The following RSU1 variants were observed in gnomAD, a reference collection of about 807,000 sequenced individuals.
RSU1 encodes Ras suppressor protein 1.
RSU1 carries 26 observed loss-of-function variants against 31.1 expected under a neutral mutation model. The ratio of observed to expected loss-of-function variants is 0.84; its 90% CI spans 0.61 to 1.16. RSU1 has a LOEUF of 1.16. Among genes scored for constraint, RSU1 ranks in the 50% most tolerant of loss-of-function variants. The probability of loss-of-function intolerance (pLI) is 0.00; values close to 1 mark genes in which losing one functional copy is unlikely to be tolerated. For synonymous variants in RSU1, 164 were observed against 136.3 expected, an observed-to-expected ratio of 1.20 and a Z score of -1.41; for missense variants, 320 against 339.1, an observed-to-expected ratio of 0.94 and a Z score of 0.44.
chr10:16,757,056 G>C (rs183213161), intron 4 of RSU1, among the ~76,000 whole-genome samples: 75 of 147,992 alleles, frequency 5.1e-4, no homozygotes, highest in African/African-American at 1.7e-3. Flanking sequence ...GTGTGGGTGT[G>C]TTTGTACACG....
intron 7 of RSU1, among the ~76,000 whole-genome samples, chr10:16,700,290 C>T (rs920484949): frequency 6.6e-6 from 1 of 152,004 alleles, no homozygotes; most frequent in African/African-American, 2.4e-5. Context: ...CCAAAAGCCA[C>T]GCTCTCTCAT....
chr10:16,618,811 A>G (rs1834023066), intron 8 of RSU1, among the ~76,000 whole-genome samples: 1 of 152,156 alleles, frequency 6.6e-6, no homozygotes, highest in Non-Finnish European at 1.5e-5. Flanking sequence ...GGGAACTCAC[A>G]CACTGGGGCC....
At chr10:16,605,615 A>G (rs559342990) in intron 8 of RSU1, among the ~76,000 whole-genome samples, 36 of 152,078 alleles carry the variant, frequency 2.4e-4, no homozygotes, top group Non-Finnish European at 4.1e-4. Flanking sequence ...TCACTTCCTG[A>G]TGTCCTCAAT....
chr10:16,768,534 G>A (rs926391850), intron 3 of RSU1, among the ~76,000 whole-genome samples: 6 of 152,082 alleles, frequency 3.9e-5, no homozygotes, highest in East Asian at 3.9e-4. Flanking sequence ...GTCCCATTTC[G>A]CTCTAGCCAC....
At chr10:16,708,387 T>C (rs1835947807) in intron 7 of RSU1, among the ~76,000 whole-genome samples, 1 of 152,146 alleles carries the variant, frequency 6.6e-6, no homozygotes, top group African/African-American at 2.4e-5. Flanking sequence ...GTAGGCTTCC[T>C]GTTGAGGGAT....
At chr10:16,696,738 G>T (rs965153895) in intron 7 of RSU1, among the ~76,000 whole-genome samples, 4 of 152,188 alleles carry the variant, frequency 2.6e-5, no homozygotes, top group Admixed American at 2.0e-4. Context: ...CCATGAGTCA[G>T]AAAGCTGCCT....
chr10:16,814,202 G>A (rs1268775807), intron 2 of RSU1, among the ~76,000 whole-genome samples: 4 of 152,140 alleles, frequency 2.6e-5, no homozygotes, highest in Non-Finnish European at 4.4e-5. Context: ...CACTTTAGGA[G>A]GCCAAGATGG....
chr10:16,793,980 A>C (rs1407081314), intron 2 of RSU1, among the ~76,000 whole-genome samples: 2 of 152,036 alleles, frequency 1.3e-5, no homozygotes, highest in African/African-American at 4.8e-5. Flanking sequence ...GTGAGCAATA[A>C]CCAATTCATT....
chr10:16,706,374 T>G (rs1209551702), intron 7 of RSU1, among the ~76,000 whole-genome samples: 1 of 152,216 alleles, frequency 6.6e-6, no homozygotes, highest in East Asian at 1.9e-4. Context: ...TTTTTTCATG[T>G]GCTTATTGGC....
chr10:16,803,257 C>T (rs762521784), intron 2 of RSU1, among the ~76,000 whole-genome samples: 37 of 152,072 alleles, frequency 2.4e-4, no homozygotes, highest in Non-Finnish European at 5.0e-4. Flanking sequence ...ACACCATTTA[C>T]ATTAACACCA....
chr10:16,800,280 T>G (rs966488598), intron 2 of RSU1, among the ~76,000 whole-genome samples: 2 of 152,198 alleles, frequency 1.3e-5, no homozygotes, highest in Non-Finnish European at 2.9e-5. Context: ...TATTTTACAG[T>G]TATCTGACTG....
chr10:16,755,447 CATTT>C (rs1377090806), intron 4 of RSU1, among the ~76,000 whole-genome samples: 1 of 151,122 alleles, frequency 6.6e-6, no homozygotes, highest in East Asian at 1.9e-4. Context: ...TTAAAAAAAG[CATTT>C]ATTTAATATT....
At chr10:16,742,548 G>C (rs1013887417) in intron 7 of RSU1, among the ~76,000 whole-genome samples, 2 of 151,222 alleles carry the variant, frequency 1.3e-5, no homozygotes, top group Non-Finnish European at 2.9e-5. Context: ...CTACATAAAT[G>C]TAAGATATTA....
intron 2 of RSU1, among the ~76,000 whole-genome samples, chr10:16,788,424 T>C (rs569299403): frequency 6.6e-6 from 1 of 152,152 alleles, no homozygotes; most frequent in East Asian, 1.9e-4. Context: ...CCCTCATGAA[T>C]GAGGTTAAGT....
chr10:16,801,641 C>T (rs1331825429), intron 2 of RSU1, among the ~76,000 whole-genome samples: 1 of 151,908 alleles, frequency 6.6e-6, no homozygotes, highest in East Asian at 1.9e-4. Context: ...ACATTCTGGG[C>T]CATAAAACAC....
chr10:16,610,744 A>G (rs1028453790), intron 8 of RSU1, among the ~76,000 whole-genome samples: 1 of 152,314 alleles, frequency 6.6e-6, no homozygotes, highest in South Asian at 2.1e-4. Context: ...TATAATGTAA[A>G]GTGCTTGACA....
chr10:16,616,371 C>CAAAAA (rs529296931), intron 8 of RSU1, among the ~76,000 whole-genome samples: 8 of 90,892 alleles, frequency 8.8e-5, no homozygotes, highest in Admixed American at 3.8e-4. Context: ...GCCTACCAAC[C>CAAAAA]AAAAAAAAAA....
At chr10:16,645,245 A>G (rs7902142) in intron 8 of RSU1, among the ~76,000 whole-genome samples, 40,981 of 152,074 alleles carry the variant, frequency 0.27, 5,834 homozygotes, top group East Asian at 0.31. Context: ...TTTAAACCAT[A>G]TCTTGGAGAG....
chr10:16,752,788 A>G, intron 6 of RSU1, 130 bp downstream of exon 6: 1 of 1,028,230 alleles, frequency 9.7e-7, no homozygotes, highest in East Asian at 2.5e-5. Context: ...CGGATAATCA[A>G]GAAACACTAT....
Sources: gnomAD v4.1 joint callset for allele counts (sites outside exome capture counted in the v4.1 genomes callset) on GRCh38, gnomAD v4.1.1 for gene constraint, MANE v1.5 for transcripts, NCBI Gene and HGNC (gene_info 2026-07-23, HGNC 2026-07-21) for gene names.